The following LURAP1L variants were observed in gnomAD, a reference collection of about 807,000 sequenced individuals.
The protein encoded by LURAP1L is leucine rich adaptor protein 1 like, also known as leucine rich adaptor protein 1-like.
Under a neutral mutation model 13.8 loss-of-function variants are expected in LURAP1L, and 12 were observed. The observed-to-expected ratio is 0.87, with a 90% CI of 0.56 to 1.41. The LOEUF (loss-of-function observed/expected upper bound fraction) is 1.41, where lower values mean the gene tolerates loss of function less well. Ranked by LOEUF, LURAP1L falls within the 40% of genes most tolerant of loss-of-function variation. The pLI, the probability that LURAP1L is intolerant of heterozygous loss-of-function variation, is 0.00. For synonymous variants in LURAP1L, 139 were observed against 119.2 expected (o/e 1.17, Z -1.08); for missense variants, 375 against 292.9 (o/e 1.28, Z -2.04).
At chr9:12,799,505 G>A (rs548180306) in intron 1 of LURAP1L, among the ~76,000 whole-genome samples, 1 of 152,124 alleles carries the variant, frequency 6.6e-6, no homozygotes, top group Non-Finnish European at 1.5e-5. Context: ...AGAACAACCA[G>A]ATCATTACTG....
chr9:12,807,025 A>ACTAACTAACTG (rs1563896042), intron 1 of LURAP1L, among the ~76,000 whole-genome samples: 3 of 140,166 alleles, frequency 2.1e-5, no homozygotes, highest in African/African-American at 2.7e-5. Context: ...CGTCTCAAAA[A>ACTAACTAACTG]AAAAAAAAAA....
intron 1 of LURAP1L, among the ~76,000 whole-genome samples, chr9:12,802,594 C>T (rs968894364): frequency 6.6e-6 from 1 of 152,292 alleles, no homozygotes; most frequent in Admixed American, 6.5e-5. Flanking sequence ...AATTAAACCA[C>T]TTTTCTTTAC....
At chr9:12,777,089 A>C (rs1819196620) in intron 1 of LURAP1L, 1 of 329,900 alleles carries the variant, frequency 3.0e-6, no homozygotes, top group South Asian at 1.2e-4. Flanking sequence ...ATTTGCTTCA[A>C]AGTAGGCTAG....
Position 12,822,956 on chromosome 9 carries a change from C to T in LURAP1L, c.*1196C>T, listed in dbSNP as rs367559869. The stretch of plus-strand genomic sequence containing the variant: ...TCTTATAACTGAGAAATGTTTCACC[C>T]AAATTTCCTTTGTTATTATATATTT... On this transcript the variant is annotated 3_prime_UTR_variant, in exon 2 of 2. Transcript: ENST00000319264. 1.4e-4 allele frequency among the ~76,000 whole-genome samples: 21 copies of T among 152,200 alleles called. No individual in the cohort carries two copies. The highest frequency in any genetic ancestry group is 5.1e-4 in the African/African-American group (21 of 41,524).
chr9:12,782,256 C>G (rs1300207644), intron 1 of LURAP1L, among the ~76,000 whole-genome samples: 1 of 152,166 alleles, frequency 6.6e-6, no homozygotes, highest in Admixed American at 6.5e-5. Flanking sequence ...AAGTTTTTAA[C>G]TTGATGTGAT....
rs74481162 is a variant in LURAP1L, at chr9:12,776,920, G to T, written c.312+893G>T. ...CACTTCTGTAGACCTCTGTGAATTTGATGAGCTGGTTAGAGAAAATGATCC... is the reference window on the plus strand; with the variant it reads ...CACTTCTGTAGACCTCTGTGAATTTTATGAGCTGGTTAGAGAAAATGATCC... On this transcript the variant is annotated intron_variant, in intron 1 of 1. Transcript: ENST00000319264. Among the ~76,000 whole-genome samples, 309 of 152,090 alleles carry T rather than the reference G, an allele frequency of 2.0e-3. 3 individuals carry two copies. The highest frequency in any genetic ancestry group is 0.013 in the East Asian group (69 of 5,130).
At chr9:12,799,330 A>G (rs1232647817) in intron 1 of LURAP1L, among the ~76,000 whole-genome samples, 2 of 152,138 alleles carry the variant, frequency 1.3e-5, no homozygotes, top group African/African-American at 4.8e-5. Context: ...TAACTTATGC[A>G]TTTATCGACA....
rs185031557 is a variant in LURAP1L, at chr9:12,783,583, G to C, written c.312+7556G>C. ...GGTCATGATGAATGATTATCTTAAT[G>C]TGTTGTTGAATTAGGTTCACTATTA... On this transcript the variant is annotated intron_variant, in intron 1 of 1. Transcript: ENST00000319264. 5.5e-4 allele frequency among the ~76,000 whole-genome samples: 83 copies of C among 152,216 alleles called. 1 individual carries two copies. Among genetic ancestry groups the C allele is most frequent in the African/African-American group, 1.9e-3 (81 of 41,548 alleles).
rs977826900 is a variant in LURAP1L at position 12,822,676 on chromosome 9, T to C, written c.*916T>C. On this transcript the variant is annotated 3_prime_UTR_variant, in exon 2 of 2. Transcript: ENST00000319264. The stretch of plus-strand genomic sequence containing the variant: ...CTACTGCTTCCCTAAAGCAGAATTG[T>C]TATTCATTTAAGAAGTCTAATATGA... 2.0e-5 allele frequency among the ~76,000 whole-genome samples: 3 copies of C among 152,196 alleles called. No individual in the cohort carries two copies. The highest frequency in any genetic ancestry group is 7.2e-5 in the African/African-American group (3 of 41,462).
chr9:12,822,848 CTAAT>C lies in LURAP1L; in HGVS notation c.*1092_*1095del, dbSNP rs544412555. Among the ~76,000 whole-genome samples the C allele has an allele frequency of 3.9e-5, 6 of 152,250 alleles. No individual in the cohort carries two copies. The South Asian group carries it at 1.2e-3, about 32-fold the overall frequency. ...TCTTGATAACTCCTAGTGAGGGAAT[CTAAT>C]TAAGATTTCATGCTGTTCTTTGTAA... On this transcript the variant is annotated 3_prime_UTR_variant, in exon 2 of 2. Transcript: ENST00000319264.
intron 1 of LURAP1L, among the ~76,000 whole-genome samples, chr9:12,816,571 TG>T (rs1180761184): frequency 6.6e-6 from 1 of 152,206 alleles, no homozygotes; most frequent in African/African-American, 2.4e-5. Flanking sequence ...GCATAACCTT[TG>T]TATTCTTTCA....
intron 1 of LURAP1L, among the ~76,000 whole-genome samples, chr9:12,788,959 C>T (rs1243414710): frequency 6.6e-6 from 1 of 151,048 alleles, no homozygotes; most frequent in Non-Finnish European, 1.5e-5. Flanking sequence ...CCCAGCTTCT[C>T]AGGAGGCAGG....
chr9:12,805,116 A>G (rs1054467988), intron 1 of LURAP1L, among the ~76,000 whole-genome samples: 3 of 152,170 alleles, frequency 2.0e-5, no homozygotes, highest in African/African-American at 7.2e-5. Flanking sequence ...ACCAATATAT[A>G]TCTAAAGATT....
intron 1 of LURAP1L, among the ~76,000 whole-genome samples, chr9:12,815,738 G>T (rs975764618): frequency 3.9e-5 from 6 of 152,134 alleles, no homozygotes; most frequent in African/African-American, 1.4e-4. Context: ...GCTATCCAAG[G>T]CTCCAGAAAG....
chr9:12,803,397 T>C (rs1441828052), intron 1 of LURAP1L, among the ~76,000 whole-genome samples: 4 of 152,352 alleles, frequency 2.6e-5, no homozygotes, highest in African/African-American at 9.6e-5. Flanking sequence ...AAGTTACTGG[T>C]GGAACCAAGA....
chr9:12,817,213 C>G (rs1250785220), intron 1 of LURAP1L, among the ~76,000 whole-genome samples: 1 of 138,550 alleles, frequency 7.2e-6, no homozygotes, highest in East Asian at 2.4e-4. Flanking sequence ...TTTCCCGAAG[C>G]TACTTTTTTT....
At chr9:12,789,074 T>G (rs1161675859) in intron 1 of LURAP1L, among the ~76,000 whole-genome samples, 1 of 135,464 alleles carries the variant, frequency 7.4e-6, no homozygotes, top group Non-Finnish European at 1.5e-5. Flanking sequence ...AGATCCTGCC[T>G]CCCCCAGCAC....
At chr9:12,802,115 T>C (rs1819595330) in intron 1 of LURAP1L, among the ~76,000 whole-genome samples, 1 of 152,182 alleles carries the variant, frequency 6.6e-6, no homozygotes, top group Admixed American at 6.5e-5. Context: ...TTTATCTAAT[T>C]TCCCTACACA....
intron 1 of LURAP1L, among the ~76,000 whole-genome samples, chr9:12,781,543 C>G (rs750629622): frequency 6.6e-6 from 1 of 152,142 alleles, no homozygotes; most frequent in Non-Finnish European, 1.5e-5. Flanking sequence ...TTTCACTTGT[C>G]ACGAAATCCT....
Sources: allele counts gnomAD v4.1 joint callset (sites outside exome capture counted in the v4.1 genomes callset), GRCh38; gene constraint gnomAD v4.1.1; transcripts MANE v1.5; gene names NCBI Gene and HGNC (gene_info 2026-07-23, HGNC 2026-07-21).